ARPP21: variants seen among roughly 807,000 people sequenced by gnomAD.
ARPP21 encodes the protein cAMP regulated phosphoprotein 21, also known as cAMP-regulated phosphoprotein 21.
ARPP21 carries 69 observed loss-of-function variants against 113.2 expected under a neutral mutation model. The observed-to-expected ratio is 0.61, with a 90% CI of 0.50 to 0.74. ARPP21 has a LOEUF of 0.74. Among genes scored for constraint, ARPP21 ranks in the 30% least tolerant of loss-of-function variants. The pLI, the probability that ARPP21 is intolerant of heterozygous loss-of-function variation, is 0.00. For missense variants in ARPP21, 1,070 were observed against 1,037.4 expected (o/e 1.03, Z -0.43); for synonymous variants, 368 against 375.5 (o/e 0.98, Z 0.23).
chr3:35,747,324 C>T (rs926748819), intron 19 of ARPP21, among the ~76,000 whole-genome samples: 9 of 135,680 alleles, frequency 6.6e-5, no homozygotes, highest in African/African-American at 2.3e-4. Flanking sequence ...CATTGCACTC[C>T]AAATCCAGCC....
At chr3:35,728,261 C>G (rs1234605920) in intron 14 of ARPP21, among the ~76,000 whole-genome samples, 2 of 144,144 alleles carry the variant, frequency 1.4e-5, no homozygotes, top group African/African-American at 5.1e-5. Context: ...CTCTGTCGCC[C>G]AGGCTGGAGT....
intron 9 of ARPP21, among the ~76,000 whole-genome samples, chr3:35,703,468 A>G (rs2087355864): frequency 6.6e-6 from 1 of 151,944 alleles, no homozygotes; most frequent in African/African-American, 2.4e-5. Context: ...TTCACTATAC[A>G]TGAACAATGA....
chr3:35,641,452 T>G (rs549578579), intron 1 of ARPP21: 1 of 152,314 alleles, frequency 6.6e-6, no homozygotes, highest in South Asian at 2.1e-4. Context: ...TTTGACACAC[T>G]TTTAGATAAA....
chr3:35,641,585 T>C (rs1227161718), intron 1 of ARPP21: 3 of 152,238 alleles, frequency 2.0e-5, no homozygotes, highest in African/African-American at 7.2e-5. Flanking sequence ...ATCTATGTTT[T>C]GTTCAAATAG....
intron 1 of ARPP21, among the ~76,000 whole-genome samples, chr3:35,656,566 C>T (rs1054412080): frequency 1.3e-5 from 2 of 151,960 alleles, no homozygotes; most frequent in Non-Finnish European, 2.9e-5. Context: ...AATCTCAAGT[C>T]ATTGCAGACT....
intron 15 of ARPP21, among the ~76,000 whole-genome samples, chr3:35,735,802 C>T (rs962211201): frequency 4.6e-5 from 7 of 152,220 alleles, no homozygotes; most frequent in Admixed American, 3.9e-4. Context: ...ACAGGATTTA[C>T]TGAAAAGGGA....
intron 19 of ARPP21, among the ~76,000 whole-genome samples, chr3:35,778,884 A>G (rs573691385): frequency 1.3e-5 from 2 of 152,332 alleles, no homozygotes; most frequent in African/African-American, 2.4e-5. Flanking sequence ...TTGAATAAAG[A>G]AAGGAGACTG....
intron 1 of ARPP21, among the ~76,000 whole-genome samples, chr3:35,642,975 G>C (rs1698702539): frequency 6.6e-6 from 1 of 152,080 alleles, no homozygotes; most frequent in Non-Finnish European, 1.5e-5. Flanking sequence ...GGCAGCACTG[G>C]TAACTTTTGT....
chr3:35,773,602 G>T (rs972584682), intron 19 of ARPP21, among the ~76,000 whole-genome samples: 2 of 152,078 alleles, frequency 1.3e-5, no homozygotes, highest in Non-Finnish European at 2.9e-5. Flanking sequence ...TCACACCTAG[G>T]TAAAGTGGTT....
intron 9 of ARPP21, among the ~76,000 whole-genome samples, chr3:35,701,230 A>G (rs17033697): frequency 0.019 from 2,903 of 151,832 alleles, 103 homozygotes; most frequent in South Asian, 0.12. Context: ...GAACCTAGGC[A>G]TATATTTGAT....
intron 8 of ARPP21, among the ~76,000 whole-genome samples, chr3:35,690,476 A>G (rs2081932686): frequency 6.6e-6 from 1 of 151,532 alleles, no homozygotes; most frequent in African/African-American, 2.4e-5. Flanking sequence ...ATGCCTGGAA[A>G]TAATTGTGCT....
chr3:35,676,508 A>T (rs925773049), intron 1 of ARPP21, among the ~76,000 whole-genome samples: 5 of 152,106 alleles, frequency 3.3e-5, no homozygotes, highest in African/African-American at 9.6e-5. Context: ...TCTTCCAATA[A>T]AATGGTTCTC....
intron 1 of ARPP21, among the ~76,000 whole-genome samples, chr3:35,669,844 G>A (rs540153542): frequency 6.6e-6 from 1 of 152,248 alleles, no homozygotes; most frequent in South Asian, 2.1e-4. Context: ...AGGCATTGTA[G>A]AATCCATAAA....
chr3:35,668,027 A>AAGAAGAAGGAGAAGG (rs1553646509), intron 1 of ARPP21, among the ~76,000 whole-genome samples: 2 of 132,470 alleles, frequency 1.5e-5, no homozygotes, highest in South Asian at 2.4e-4. Context: ...GAAGAAGAAG[A>AAGAAGAAGGAGAAGG]AGAAGGAGAA....
intron 19 of ARPP21, chr3:35,784,840 TTC>T (rs2096597398): frequency 6.6e-6 from 1 of 152,000 alleles, no homozygotes; most frequent in Non-Finnish European, 1.5e-5. Flanking sequence ...ATGAAATAAT[TTC>T]TTTTTTTTTT....
chr3:35,708,881 A>T, intron 10 of ARPP21, 88 bp from the exon 11 acceptor site: 1 of 849,982 alleles, frequency 1.2e-6, no homozygotes, highest in Non-Finnish European at 1.9e-6. Flanking sequence ...TTAAGTGAAC[A>T]TTTATTATTC....
At chr3:35,695,802 T>G (rs1209630564) in intron 9 of ARPP21, among the ~76,000 whole-genome samples, 1 of 151,478 alleles carries the variant, frequency 6.6e-6, no homozygotes. Context: ...AGCTGGGCAT[T>G]TTGTTGAGAT....
intron 1 of ARPP21, among the ~76,000 whole-genome samples, chr3:35,675,993 A>C: frequency 6.6e-6 from 1 of 151,958 alleles, no homozygotes; most frequent in South Asian, 2.1e-4. Flanking sequence ...TCTGCCTTTG[A>C]TCTGTAGGTG....
intron 19 of ARPP21, among the ~76,000 whole-genome samples, chr3:35,760,334 C>T (rs1313409538): frequency 6.6e-6 from 1 of 152,060 alleles, no homozygotes; most frequent in African/African-American, 2.4e-5. Flanking sequence ...AGACTGGATA[C>T]TTGAATTCTG....
Sources: gnomAD v4.1 joint callset for allele counts (sites outside exome capture counted in the v4.1 genomes callset) on GRCh38, gnomAD v4.1.1 for gene constraint, MANE v1.5 for transcripts, NCBI Gene and HGNC (gene_info 2026-07-23, HGNC 2026-07-21) for gene names.